Variants in ZNF143 observed in about 807,000 individuals in gnomAD.
The protein encoded by ZNF143 is SPH-binding factor.
Under a neutral mutation model 74.1 loss-of-function variants are expected in ZNF143, and 49 were observed. The observed-to-expected ratio is 0.66, with a 90% CI of 0.53 to 0.84. The LOEUF (loss-of-function observed/expected upper bound fraction) is 0.84, where lower values mean the gene tolerates loss of function less well. Ranked by LOEUF, ZNF143 falls within the 40% of genes least tolerant of loss-of-function variation. ZNF143 has a pLI of 0.00. For synonymous variants in ZNF143, 304 were observed against 282.8 expected, an observed-to-expected ratio of 1.07 and a Z score of -0.75; for missense variants, 637 against 793.4, an observed-to-expected ratio of 0.80 and a Z score of 2.37.
chr11:9,526,060 C>G (rs1849115366), intron 15 of ZNF143, among the ~76,000 whole-genome samples: 1 of 152,070 alleles, frequency 6.6e-6, no homozygotes, highest in South Asian at 2.1e-4. Context: ...AGGAGGATTA[C>G]TTGTACCCAG....
intron 14 of ZNF143, among the ~76,000 whole-genome samples, chr11:9,516,979 G>A (rs1000995341): frequency 7.9e-5 from 12 of 152,156 alleles, no homozygotes; most frequent in Admixed American, 5.9e-4. Context: ...GCAGCGGCAC[G>A]TCATGGCTCA....
At chr11:9,505,412 G>T (rs1379329537) in intron 11 of ZNF143, among the ~76,000 whole-genome samples, 1 of 152,042 alleles carries the variant, frequency 6.6e-6, no homozygotes, top group East Asian at 1.9e-4. Flanking sequence ...TGGGATTACA[G>T]GCGCATGTCA....
intron 7 of ZNF143, among the ~76,000 whole-genome samples, chr11:9,490,019 A>G (rs1847709648): frequency 1.3e-5 from 2 of 149,808 alleles, no homozygotes; most frequent in Non-Finnish European, 3.0e-5. Flanking sequence ...CATTTCTACA[A>G]TTTTTTTTTT....
chr11:9,469,326 G>A (rs1856439075), intron 1 of ZNF143, among the ~76,000 whole-genome samples: 1 of 150,432 alleles, frequency 6.6e-6, no homozygotes, highest in Admixed American at 6.6e-5. Flanking sequence ...CCACCTCCCG[G>A]GTTCAGGCAG....
intron 7 of ZNF143, among the ~76,000 whole-genome samples, chr11:9,488,724 T>A (rs1025066966): frequency 2.6e-5 from 4 of 152,208 alleles, no homozygotes; most frequent in Non-Finnish European, 4.4e-5. Flanking sequence ...GAACAGTATT[T>A]TATTTATCAT....
intron 2 of ZNF143, 95 bp from the exon 3 acceptor site, chr11:9,472,582 A>T: frequency 9.3e-7 from 1 of 1,076,454 alleles, no homozygotes; most frequent in Non-Finnish European, 1.4e-6. Context: ...TGAGTTAAGC[A>T]GTTTACCTTT....
At chr11:9,517,407 A>G (rs937846160) in intron 14 of ZNF143, among the ~76,000 whole-genome samples, 1 of 152,060 alleles carries the variant, frequency 6.6e-6, no homozygotes, top group South Asian at 2.1e-4. Context: ...GTGATTTTGC[A>G]TATATATGTG....
At position 9,527,876 on chromosome 11, in the gene ZNF143, T is replaced by C. The variant is rs1849182877; in HGVS notation, c.*263T>C. ...ATTTTCATGTTACTCTTTTATCAGATCACAAACTCCTAGAGTCTACATGCA... is the reference window on the plus strand; with the variant it reads ...ATTTTCATGTTACTCTTTTATCAGACCACAAACTCCTAGAGTCTACATGCA... On this transcript the variant is annotated 3_prime_UTR_variant, in exon 16 of 16. Coordinates refer to ENST00000396602, the MANE Select transcript of ZNF143 (RefSeq NM_003442.6). The C allele has an allele frequency of 3.1e-6, 1 of 322,278 alleles. No individual in the cohort carries two copies. The highest frequency in any genetic ancestry group is 5.7e-6 in the Non-Finnish European group (1 of 174,208). The allele number at this position is 322,278 out of a possible 1,614,324, so 20.0% of individuals were successfully genotyped here.
rs774706677 is a variant in ZNF143, at chr11:9,516,301, TCTC to T, written c.1629_1631del (p.Ser544del). 7 of 1,613,924 alleles carry T rather than the reference TCTC, an allele frequency of 4.3e-6. No individual in the cohort carries two copies. Among genetic ancestry groups the T allele is most frequent in the South Asian group, 3.3e-5 (3 of 91,070 alleles). ...ACAGTCCCCGCCCATGATGCAGTCA[TCTC>T]CTCAGCAGGAACGCACTCTGTTGCT... On this transcript the variant is annotated inframe_deletion, in exon 14 of 16. Transcript: ENST00000396602.
chr11:9,516,160 C>G (rs369536879), intron 13 of ZNF143, 41 bp from the exon 14 acceptor site: 2 of 1,603,130 alleles, frequency 1.2e-6, no homozygotes, highest in Non-Finnish European at 1.7e-6. Context: ...TCAGCTATAA[C>G]AAGAAACATT....
intron 1 of ZNF143, among the ~76,000 whole-genome samples, chr11:9,468,905 A>G (rs1414706654): frequency 4.6e-5 from 7 of 152,114 alleles, no homozygotes; most frequent in Admixed American, 3.3e-4. Context: ...AGGCTGAGGC[A>G]TGCAGATCAC....
At chr11:9,461,161 G>C (rs1855798070) in intron 1 of ZNF143, 85 bp downstream of exon 1, 1 of 879,224 alleles carries the variant, frequency 1.1e-6, no homozygotes, top group Non-Finnish European at 1.4e-6. Context: ...GGCCCGCTTG[G>C]GCCCGGGCTC....
At chr11:9,468,342 C>T (rs1003687761) in intron 1 of ZNF143, among the ~76,000 whole-genome samples, 2 of 152,230 alleles carry the variant, frequency 1.3e-5, no homozygotes, top group Non-Finnish European at 2.9e-5. Context: ...TCTCTGCTCT[C>T]AGCTCTTTCC....
chr11:9,504,677 T>TC (rs1310489483), intron 11 of ZNF143, among the ~76,000 whole-genome samples: 1 of 104,668 alleles, frequency 9.6e-6, no homozygotes, highest in African/African-American at 2.8e-5. Context: ...TTTTTTCTTT[T>TC]TTTTTTTTTT....
intron 7 of ZNF143, among the ~76,000 whole-genome samples, chr11:9,486,360 A>ATGT (rs1290037559): frequency 1.9e-5 from 1 of 52,394 alleles, no homozygotes; most frequent in Non-Finnish European, 3.7e-5. Context: ...TATTATATAT[A>ATGT]TATTATATAT....
At chr11:9,500,947 C>T (rs75061562) in intron 10 of ZNF143, 144 bp from the exon 11 acceptor site, 7 of 887,730 alleles carry the variant, frequency 7.9e-6, no homozygotes, top group African/African-American at 6.9e-5. Flanking sequence ...TTTCCCCAAC[C>T]CCCCCAAAAA....
rs138636499 is a variant in ZNF143, at chr11:9,510,669, A to G, written c.1376-1779A>G. On this transcript the variant is annotated intron_variant, in intron 12 of 15. Transcript: ENST00000396602. ...TTGATGACTGTAGCCATATGAGTGC[A>G]TGGATTAACCACTGAATTGAGAAGT... Among the ~76,000 whole-genome samples, 77 of 152,292 alleles carry G rather than the reference A, an allele frequency of 5.1e-4. 1 individual carries two copies. In the East Asian group the frequency reaches 0.015, roughly 29 times the overall value.
At chr11:9,498,273 G>A (rs1848040381) in intron 10 of ZNF143, among the ~76,000 whole-genome samples, 1 of 152,192 alleles carries the variant, frequency 6.6e-6, no homozygotes, top group Non-Finnish European at 1.5e-5. Context: ...TTCAGGGTGA[G>A]GGCTCATAGC....
chr11:9,523,174 A>C (rs563234982), intron 14 of ZNF143, among the ~76,000 whole-genome samples: 6 of 151,206 alleles, frequency 4.0e-5, no homozygotes, highest in African/African-American at 1.5e-4. Flanking sequence ...TTTTTTTTCT[A>C]TTAGCTAGTT....
Sources: gnomAD v4.1 joint callset for allele counts (sites outside exome capture counted in the v4.1 genomes callset) on GRCh38, gnomAD v4.1.1 for gene constraint, MANE v1.5 for transcripts, NCBI Gene and HGNC (gene_info 2026-07-23, HGNC 2026-07-21) for gene names.